Variants in AKAP13 observed in about 807,000 individuals in gnomAD.
AKAP13 encodes A-kinase anchoring protein 13, also known as A-kinase anchor protein 13.
In AKAP13, 80 loss-of-function variants were observed where a neutral mutation model predicts 264.5. That is an observed-to-expected ratio of 0.30 (90% CI 0.25 to 0.36). The LOEUF (loss-of-function observed/expected upper bound fraction) is 0.36. AKAP13 is among the 10% of genes least tolerant of loss of function. The pLI, the probability that AKAP13 is intolerant of heterozygous loss-of-function variation, is 1.00. For synonymous variants in AKAP13, 1,380 were observed against 1,250.2 expected (o/e 1.10, Z -2.19); for missense variants, 3,712 against 3,435.2 (o/e 1.08, Z -2.01).
chr15:85,455,345 T>C (rs1474084236), intron 1 of AKAP13, among the ~76,000 whole-genome samples: 1 of 152,214 alleles, frequency 6.6e-6, no homozygotes. Flanking sequence ...TTACTCATTT[T>C]GCTTTGTTTA....
chr15:85,472,941 A>G (rs1352840317), intron 1 of AKAP13, among the ~76,000 whole-genome samples: 2 of 152,238 alleles, frequency 1.3e-5, no homozygotes, highest in African/African-American at 4.8e-5. Context: ...TATGTGACAT[A>G]TACACAAGAA....
intron 8 of AKAP13, among the ~76,000 whole-genome samples, chr15:85,621,718 T>C (rs888482264): frequency 6.6e-6 from 1 of 152,188 alleles, no homozygotes; most frequent in Non-Finnish European, 1.5e-5. Flanking sequence ...ATACGTTACT[T>C]AATTTGAGAC....
intron 1 of AKAP13, among the ~76,000 whole-genome samples, chr15:85,477,018 GT>G (rs2075184676): frequency 6.6e-6 from 1 of 151,996 alleles, no homozygotes; most frequent in Non-Finnish European, 1.5e-5. Context: ...GGTTAAATGT[GT>G]TCCCAAAACT....
chr15:85,464,245 C>T lies in AKAP13; in HGVS notation c.-11-21465C>T, dbSNP rs540119553. Reference sequence around the variant, plus strand: ...GTGCCTGTGCCCATCCTTGTGTGTGCTCTAGTATGTGTTAAAAATAGTTGT... The same window carrying T: ...GTGCCTGTGCCCATCCTTGTGTGTGTTCTAGTATGTGTTAAAAATAGTTGT... On this transcript the variant is annotated intron_variant, in intron 1 of 36. Coordinates refer to ENST00000394518, the MANE Select transcript of AKAP13 (RefSeq NM_007200.5). Among the ~76,000 whole-genome samples, 120 of 152,278 alleles carry T rather than the reference C, an allele frequency of 7.9e-4. 1 individual carries two copies. Among genetic ancestry groups the T allele is most frequent in the African/African-American group, 2.7e-3 (113 of 41,538 alleles).
chr15:85,518,942 C>T (rs552278327), intron 2 of AKAP13, among the ~76,000 whole-genome samples: 10 of 152,326 alleles, frequency 6.6e-5, no homozygotes, highest in Admixed American at 6.5e-4. Context: ...TAATTAGCCA[C>T]CTCCTCTGTC....
At chr15:85,627,629 A>G (rs771439819) in intron 8 of AKAP13, 2 of 152,200 alleles carry the variant, frequency 1.3e-5, no homozygotes, top group African/African-American at 2.4e-5. Flanking sequence ...TTGTAGCTGT[A>G]TCTCCTGTTG....
chr15:85,640,190 G>T (rs190483766), intron 9 of AKAP13, among the ~76,000 whole-genome samples: 2 of 152,316 alleles, frequency 1.3e-5, no homozygotes, highest in African/African-American at 4.8e-5. Flanking sequence ...TTAGTAGCCT[G>T]TCTCATTTTG....
chr15:85,546,351 C>T (rs1024165430), intron 5 of AKAP13, among the ~76,000 whole-genome samples: 4 of 151,784 alleles, frequency 2.6e-5, no homozygotes, highest in African/African-American at 9.7e-5. Flanking sequence ...CACACACACA[C>T]ACACACACAG....
intron 1 of AKAP13, among the ~76,000 whole-genome samples, chr15:85,483,876 C>T (rs1364056988): frequency 6.6e-6 from 1 of 152,046 alleles, no homozygotes; most frequent in Non-Finnish European, 1.5e-5. Flanking sequence ...AGCTTATCAG[C>T]TATTATTAGT....
intron 10 of AKAP13, among the ~76,000 whole-genome samples, chr15:85,649,800 G>T (rs1370163485): frequency 1.3e-5 from 2 of 152,090 alleles, no homozygotes; most frequent in Non-Finnish European, 2.9e-5. Context: ...GAAATCCTAG[G>T]ATTCTTTTTG....
chr15:85,386,235 T>C (rs2070555030), intron 1 of AKAP13, among the ~76,000 whole-genome samples: 1 of 152,212 alleles, frequency 6.6e-6, no homozygotes. Flanking sequence ...TTTGGTATAA[T>C]AGTTTAGAAA....
At chr15:85,652,002 A>T (rs916489042) in intron 10 of AKAP13, among the ~76,000 whole-genome samples, 3 of 152,220 alleles carry the variant, frequency 2.0e-5, no homozygotes, top group Non-Finnish European at 4.4e-5. Context: ...ACCAATTCAT[A>T]GTAAGAGCTG....
Position 85,383,173 on chromosome 15 carries a change from G to A in AKAP13, c.-12+2375G>A, listed in dbSNP as rs567721145. 2.6e-5 allele frequency among the ~76,000 whole-genome samples: 4 copies of A among 152,072 alleles called. No homozygotes were observed. The South Asian group carries it at 6.2e-4, about 24-fold the overall frequency. On this transcript the variant is annotated intron_variant, in intron 1 of 36. Coordinates refer to ENST00000394518, the MANE Select transcript of AKAP13 (RefSeq NM_007200.5). ...CTCCCACAGTGTTGGAATTACAGACGTGAGCCACTCCACCCAGCCAGTGAA... is the reference window on the plus strand; with the variant it reads ...CTCCCACAGTGTTGGAATTACAGACATGAGCCACTCCACCCAGCCAGTGAA...
At chr15:85,408,314 A>G (rs376580139) in intron 1 of AKAP13, among the ~76,000 whole-genome samples, 3 of 151,852 alleles carry the variant, frequency 2.0e-5, no homozygotes, top group African/African-American at 7.3e-5. Context: ...CACACATACC[A>G]TAAAATTTAC....
In AKAP13 at chr15:85,579,305, G is replaced by T; in HGVS notation, c.1237G>T (p.Glu413Ter). The change falls in exon 7 of 37, where the codon GAA becomes TAA. Residue 413 changes from glutamate to a stop codon, truncating the protein, a stop_gained. Coordinates refer to ENST00000394518, the MANE Select transcript of AKAP13 (RefSeq NM_007200.5). LOFTEE classifies it high-confidence loss of function. Reference sequence around the variant, plus strand: ...GCCTGATTGTGGAGTAAAGGGCACGGAAGGCCTTTCGTCCTGTGGAAACAG... The same window carrying T: ...GCCTGATTGTGGAGTAAAGGGCACGTAAGGCCTTTCGTCCTGTGGAAACAG... ...SLPDCGVKGT[E>*]GLSSCGNRNE... The T allele has an allele frequency of 6.2e-7, 1 of 1,614,240 alleles. No homozygotes were observed.
chr15:85,580,950 A>G lies in AKAP13; in HGVS notation c.2882A>G (p.Gln961Arg). 6.2e-7 allele frequency: 1 copy of G among 1,614,056 alleles called. No individual in the cohort carries two copies. The highest frequency in any genetic ancestry group is 8.5e-7 in the Non-Finnish European group (1 of 1,179,910). The change falls in exon 7 of 37, where the codon CAA becomes CGA. Residue 961 changes from glutamine (Q) to arginine (R), a missense_variant. Physicochemically the swap from Gln to Arg is conservative, Grantham distance 43. This residue lies in a region of AKAP13 where 2,759 missense variants were observed against 2,411.7 expected (regional missense o/e 1.14). Coordinates refer to ENST00000394518, the MANE Select transcript of AKAP13 (RefSeq NM_007200.5). Reference protein sequence around the residue: ...QRTPPPGQDTQQFHEKSISAD... With the variant: ...QRTPPPGQDTRQFHEKSISAD... ...ACACCACCTCCTGGACAAGATACTC[A>G]ACAATTTCATGAAAAATCAATCTCA... is the stretch of plus-strand genomic sequence containing the variant.
In AKAP13 at chr15:85,445,670, C is replaced by T. The variant is rs141524342; in HGVS notation, c.-11-40040C>T. On this transcript the variant is annotated intron_variant, in intron 1 of 36. Coordinates refer to ENST00000394518, the MANE Select transcript of AKAP13 (RefSeq NM_007200.5). The stretch of plus-strand genomic sequence containing the variant: ...CTTACAAACTTGGAGAGAAAGATGC[C>T]AACTGTCTGTGAAAAAAATCAGTCT... Among the ~76,000 whole-genome samples, 463 of 151,612 alleles carry T rather than the reference C, an allele frequency of 3.1e-3. 2 individuals carry two copies. Among genetic ancestry groups the T allele is most frequent in the Non-Finnish European group, 5.0e-3 (343 of 67,944 alleles).
intron 2 of AKAP13, among the ~76,000 whole-genome samples, chr15:85,506,498 G>A (rs1478151507): frequency 1.3e-5 from 2 of 151,578 alleles, no homozygotes; most frequent in African/African-American, 4.9e-5. Flanking sequence ...ATAAATACAT[G>A]CTTTTAGAAT....
intron 8 of AKAP13, among the ~76,000 whole-genome samples, chr15:85,632,602 T>A (rs983651585): frequency 6.6e-6 from 1 of 152,202 alleles, no homozygotes; most frequent in African/African-American, 2.4e-5. Flanking sequence ...TCATCACTGT[T>A]ATTATGTTCT....
Sources: allele counts gnomAD v4.1 joint callset (sites outside exome capture counted in the v4.1 genomes callset), GRCh38; gene constraint gnomAD v4.1.1; regional missense constraint gnomAD v4.1.1; transcripts MANE v1.5; gene names NCBI Gene and HGNC (gene_info 2026-07-23, HGNC 2026-07-21).